Variants in IL13RA1 observed in about 807,000 individuals in gnomAD.
The protein encoded by IL13RA1 is interleukin 13 receptor subunit alpha 1.
A neutral mutation model predicts 33.8 loss-of-function variants in IL13RA1; 14 were observed. That is an observed-to-expected ratio of 0.41 (90% CI 0.27 to 0.65). The LOEUF is 0.65. Ranked by LOEUF, IL13RA1 falls within the 30% of genes least tolerant of loss-of-function variation. IL13RA1 has a pLI of 0.28. For synonymous variants in IL13RA1, 116 were observed against 115.7 expected (o/e 1.00, Z -0.02); for missense variants, 313 against 327.0 (o/e 0.96, Z 0.33).
intron 10 of IL13RA1, 23 bp downstream of exon 10, chrX:118,776,534 T>C: frequency 2.2e-6 from 1 of 464,661 alleles, no homozygotes; most frequent in South Asian, 3.8e-5. Flanking sequence ...TTCATGGGGC[T>C]TGAAATGTTT....
chrX:118,742,332 C>T (rs1346419151), intron 2 of IL13RA1, among the ~76,000 whole-genome samples: 4 of 112,310 alleles, frequency 3.6e-5, no homozygotes, highest in Non-Finnish European at 7.5e-5. Context: ...TACATACTGT[C>T]GGCTTCCTCT....
chrX:118,794,539 A>G (rs976502146), downstream of IL13RA1: 1 of 112,267 alleles, frequency 8.9e-6, no homozygotes, highest in Non-Finnish European at 1.9e-5. Flanking sequence ...TGTCACCCAA[A>G]TGTTTTCCTT....
chrX:118,755,694 A>G (rs1472396526), intron 4 of IL13RA1, among the ~76,000 whole-genome samples: 1 of 112,215 alleles, frequency 8.9e-6, no homozygotes, highest in Non-Finnish European at 1.9e-5. Context: ...GATCAAGAAG[A>G]TTGTGCATTC....
chrX:118,787,561 C>T (rs2017933056), intron 10 of IL13RA1, among the ~76,000 whole-genome samples: 1 of 111,384 alleles, frequency 9.0e-6, no homozygotes, highest in African/African-American at 3.3e-5. Flanking sequence ...GCAGAAATTT[C>T]CTAATCCTAA....
At chrX:118,784,878 C>T (rs935395327) in intron 10 of IL13RA1, among the ~76,000 whole-genome samples, 1 of 111,632 alleles carries the variant, frequency 9.0e-6, no homozygotes, top group African/African-American at 3.3e-5. Flanking sequence ...TATAATTTTC[C>T]TCCTGTATTA....
At chrX:118,785,339 C>T (rs1168652204) in intron 10 of IL13RA1, among the ~76,000 whole-genome samples, 1 of 110,895 alleles carries the variant, frequency 9.0e-6, no homozygotes, top group African/African-American at 3.3e-5. Context: ...AAGTTATTCC[C>T]CCACCTGGAA....
At chrX:118,800,273 C>G in the IL13RA1 span, among the ~76,000 whole-genome samples, 1 of 110,268 alleles carries the variant, frequency 9.1e-6, no homozygotes, top group Admixed American at 9.6e-5. Flanking sequence ...TGGCGACCCG[C>G]GCGGGTCCCC....
rs768645220 is a variant in IL13RA1, at chrX:118,772,597, A to T, written c.1010-1282A>T. 3.6e-5 allele frequency among the ~76,000 whole-genome samples: 4 copies of T among 111,178 alleles called. No individual in the cohort carries two copies. The South Asian group carries it at 1.1e-3, about 31-fold the overall frequency. On this transcript the variant is annotated intron_variant, in intron 8 of 10. Coordinates refer to ENST00000371666, the MANE Select transcript of IL13RA1 (RefSeq NM_001560.3). ...TGGCAAAATAGCTTAAAAGAACTTT[A>T]AAAAAAAACCCTATGTGATATGTTC...
chrX:118,753,958 CAAATT>C (rs2017498103), intron 4 of IL13RA1, among the ~76,000 whole-genome samples: 1 of 112,695 alleles, frequency 8.9e-6, no homozygotes, highest in Non-Finnish European at 1.9e-5. Context: ...AAAATTGAAT[CAAATT>C]AAAACTTCAG....
intron 4 of IL13RA1, among the ~76,000 whole-genome samples, chrX:118,753,885 G>A (rs182350586): frequency 3.9e-4 from 44 of 112,726 alleles, no homozygotes; most frequent in African/African-American, 1.3e-3. Context: ...GTGTAGTTCT[G>A]TGCCATCCAG....
the IL13RA1 span, among the ~76,000 whole-genome samples, chrX:118,803,482 C>A: frequency 8.9e-6 from 1 of 112,008 alleles, no homozygotes; most frequent in Non-Finnish European, 1.9e-5. Context: ...AACTAAGGAC[C>A]CTTTTTGTTT....
In IL13RA1 at chrX:118,791,409, T is replaced by A. The variant is rs143768318; in HGVS notation, c.1192-353T>A. Among the ~76,000 whole-genome samples the A allele has an allele frequency of 2.0e-4, 22 of 111,453 alleles. No individual in the cohort carries two copies. The East Asian group carries it at 5.9e-3, about 30-fold the overall frequency. On this transcript the variant is annotated intron_variant, in intron 10 of 10. Coordinates refer to ENST00000371666, the MANE Select transcript of IL13RA1 (RefSeq NM_001560.3). ...ATTAAGAAAATAAAGGTAATAAAGG[T>A]CTCAGCAAAACAGTTGGAGTAAGAA...
rs947106433 is a variant in IL13RA1, at chrX:118,793,735, G to A, written c.*1881G>A. The A allele has an allele frequency of 1.8e-5, 2 of 111,727 alleles. No individual in the cohort carries two copies. The allele number at this position is 111,727 out of a possible 1,213,427, so 9.2% of individuals were successfully genotyped here. A position where few individuals can be genotyped will look rare whatever the true frequency, so the allele number is the denominator to read the frequency against. On this transcript the variant is annotated 3_prime_UTR_variant, in exon 11 of 11. Transcript: ENST00000371666. ...TTTGCAATTCCTGCTCCTAGGGGAG[G>A]GGAGATAAGAAACCCTCACTCTCTA... is the stretch of plus-strand genomic sequence containing the variant.
chrX:118,782,107 C>G (rs968250782), intron 10 of IL13RA1, among the ~76,000 whole-genome samples: 1 of 110,603 alleles, frequency 9.0e-6, no homozygotes, highest in African/African-American at 3.3e-5. Flanking sequence ...GGATCTTGCT[C>G]TGTCACCGAG....
chrX:118,766,687 G>GT (rs1218447948), intron 7 of IL13RA1, 110 bp downstream of exon 7: 3 of 591,696 alleles, frequency 5.1e-6, no homozygotes, highest in Admixed American at 3.2e-5. Context: ...TGTTCCGTGA[G>GT]TTATTGACAA....
At chrX:118,795,211 C>CAAAAAA (rs1222782237), downstream of IL13RA1, among the ~76,000 whole-genome samples, 31 of 25,739 alleles carry the variant, frequency 1.2e-3, no homozygotes, top group African/African-American at 1.4e-3. Flanking sequence ...GACTCCGTCT[C>CAAAAAA]AAAAAAAAAA....
chrX:118,733,819 A>G (rs752966042), intron 1 of IL13RA1, among the ~76,000 whole-genome samples: 1 of 111,313 alleles, frequency 9.0e-6, no homozygotes. Context: ...TAAGCGTCCA[A>G]TTTCATTCTT....
intron 1 of IL13RA1, among the ~76,000 whole-genome samples, chrX:118,740,063 C>A (rs895943550): frequency 8.9e-6 from 1 of 112,369 alleles, no homozygotes; most frequent in South Asian, 3.6e-4. Flanking sequence ...CTCCCGGGCT[C>A]AAGTCATCCT....
rs757039167 is a variant in IL13RA1, at chrX:118,766,835, A to G, written c.877-9A>G. The G allele has an allele frequency of 7.1e-6, 7 of 979,102 alleles. No homozygotes were observed. The East Asian group carries it at 1.2e-4, about 17-fold the overall frequency. 80.7% of individuals were successfully genotyped at this position (979,102 alleles called of 1,213,427 possible). On this transcript the variant is annotated splice_polypyrimidine_tract_variant and intron_variant, in intron 7 of 10. Transcript: ENST00000371666. ...AATATTCCTTGTGTATTTTTATTTT[A>G]TGCCTAAGAATACATCTTGTTTCAT...
Sources: allele counts gnomAD v4.1 joint callset (sites outside exome capture counted in the v4.1 genomes callset), GRCh38; gene constraint gnomAD v4.1.1; transcripts MANE v1.5; gene names NCBI Gene and HGNC (gene_info 2026-07-23, HGNC 2026-07-21).